The following CLCN5 variants were observed in gnomAD, a reference collection of about 807,000 sequenced individuals.
CLCN5 encodes the protein Cl-/H+ antiporter 5.
CLCN5 carries 17 observed loss-of-function variants against 54.0 expected under a neutral mutation model. That is an observed-to-expected ratio of 0.31 (90% CI 0.22 to 0.47). CLCN5 has a LOEUF of 0.47. CLCN5 is among the 20% of genes least tolerant of loss of function. CLCN5 has a pLI of 1.00. For synonymous variants in CLCN5, 222 were observed against 233.0 expected (o/e 0.95, Z 0.43); for missense variants, 448 against 646.7 (o/e 0.69, Z 3.33).
chrX:49,994,663 T>G (rs1929424118), intron 3 of CLCN5, among the ~76,000 whole-genome samples: 1 of 111,834 alleles, frequency 8.9e-6, no homozygotes, highest in African/African-American at 3.2e-5. Context: ...TCCTATTCAG[T>G]TTTGTGCTCT....
intron 3 of CLCN5, among the ~76,000 whole-genome samples, chrX:49,999,789 A>G (rs185422627): frequency 8.9e-6 from 1 of 112,092 alleles, no homozygotes; most frequent in African/African-American, 3.2e-5. Flanking sequence ...CCTGCGGAAT[A>G]GAATATGAGA....
At chrX:50,069,821 T>C in intron 4 of CLCN5, 58 bp from the exon 5 acceptor site, 1 of 1,129,515 alleles carries the variant, frequency 8.9e-7, no homozygotes, top group East Asian at 3.3e-5. Flanking sequence ...CCAAAAAGAA[T>C]GTATTAAAAA....
chrX:49,983,889 G>A (rs1053370744), intron 3 of CLCN5, among the ~76,000 whole-genome samples: 8 of 109,020 alleles, frequency 7.3e-5, no homozygotes, highest in Non-Finnish European at 1.3e-4. Flanking sequence ...TGGCCTTTTA[G>A]GTTATGTAAT....
At position 49,923,188 on chromosome X, in the gene CLCN5, C is replaced by G. The variant is rs1413315358; in HGVS notation, c.-204-219C>G. Among the ~76,000 whole-genome samples, 3 of 113,318 alleles carry G rather than the reference C, an allele frequency of 2.6e-5. No individual in the cohort carries two copies. The East Asian group carries it at 8.4e-4, about 32-fold the overall frequency. On this transcript the variant is annotated intron_variant, in intron 1 of 14. Transcript: ENST00000376091. ...GGCAAAGCTCAGCCGAGGCCCGGCTCTTCTCCCTCCGGCTCTGGACTTGCC... is the reference window on the plus strand; with the variant it reads ...GGCAAAGCTCAGCCGAGGCCCGGCTGTTCTCCCTCCGGCTCTGGACTTGCC...
chrX:50,088,476 C>T (rs782187485), intron 11 of CLCN5: 14 of 421,855 alleles, frequency 3.3e-5, no homozygotes, highest in East Asian at 7.9e-5. Flanking sequence ...TGATGGACCC[C>T]GAATCAGGGT....
intron 3 of CLCN5, among the ~76,000 whole-genome samples, chrX:50,033,697 A>G (rs1027683408): frequency 1.8e-5 from 2 of 111,866 alleles, no homozygotes; most frequent in Non-Finnish European, 3.8e-5. Flanking sequence ...CCAAAAAAGA[A>G]CCCACATCGC....
intron 9 of CLCN5, among the ~76,000 whole-genome samples, chrX:50,083,812 T>A (rs925335525): frequency 1.8e-4 from 20 of 112,333 alleles, no homozygotes; most frequent in Non-Finnish European, 3.0e-4. Flanking sequence ...GAAATTTTTT[T>A]AAAAAAATAT....
chrX:49,949,425 C>G (rs1926916189), intron 3 of CLCN5, among the ~76,000 whole-genome samples: 1 of 112,193 alleles, frequency 8.9e-6, no homozygotes, highest in South Asian at 3.7e-4. Context: ...ATGCTGATGT[C>G]CTGTAATTCT....
intron 4 of CLCN5, 39 bp downstream of exon 4, chrX:50,042,501 A>T: frequency 3.3e-6 from 3 of 901,943 alleles, no homozygotes; most frequent in Non-Finnish European, 2.9e-6. Context: ...TTAATTTTTT[A>T]AAATTTATGT....
chrX:50,096,879 G>C lies in CLCN5; in HGVS notation c.*4660G>C, dbSNP rs1304515163. Reference sequence around the variant, plus strand: ...AATGAGTGGTTCAAAGCAGTGTTTGGCTCAAGGGCAGTCTGGTTTTATGGA... The same window carrying C: ...AATGAGTGGTTCAAAGCAGTGTTTGCCTCAAGGGCAGTCTGGTTTTATGGA... On this transcript the variant is annotated 3_prime_UTR_variant, in exon 15 of 15. Coordinates refer to ENST00000376091, the MANE Select transcript of CLCN5 (RefSeq NM_001127898.4). The C allele has an allele frequency of 1.8e-5, 2 of 112,110 alleles. No homozygotes were observed. Among genetic ancestry groups the C allele is most frequent in the Non-Finnish European group, 3.8e-5 (2 of 53,185 alleles). The allele number at this position is 112,110 out of a possible 1,213,427, so 9.2% of individuals were successfully genotyped here.
At chrX:49,966,060 T>TC (rs111769934) in intron 3 of CLCN5, among the ~76,000 whole-genome samples, 4,953 of 111,050 alleles carry the variant, frequency 0.045, 296 homozygotes, top group African/African-American at 0.15. Flanking sequence ...AGTTTTTTTT[T>TC]CTCAAGACAT....
intron 3 of CLCN5, among the ~76,000 whole-genome samples, chrX:50,034,005 G>GAATTCTAGCCTGA (rs1479044236): frequency 9.0e-6 from 1 of 111,655 alleles, no homozygotes; most frequent in Non-Finnish European, 1.9e-5. Flanking sequence ...TTTCCTCCTG[G>GAATTCTAGCCTGA]AATTCTAGCC....
At chrX:50,019,259 T>C (rs782088836) in intron 3 of CLCN5, among the ~76,000 whole-genome samples, 1 of 110,838 alleles carries the variant, frequency 9.0e-6, no homozygotes, top group Non-Finnish European at 1.9e-5. Context: ...ATTATCTTTT[T>C]AATGACCATA....
intron 3 of CLCN5, among the ~76,000 whole-genome samples, chrX:50,005,285 C>T (rs1930098688): frequency 9.0e-6 from 1 of 111,703 alleles, no homozygotes; most frequent in South Asian, 3.8e-4. Flanking sequence ...GGGAGCAGAA[C>T]TACTTCCATT....
intron 11 of CLCN5, 134 bp from the exon 12 acceptor site, chrX:50,088,564 C>A: frequency 5.0e-6 from 3 of 602,510 alleles, no homozygotes; most frequent in South Asian, 4.9e-5. Flanking sequence ...ACCTTTACAG[C>A]CACTTGCTAG....
chrX:50,082,356 A>G (rs781990766), intron 9 of CLCN5, among the ~76,000 whole-genome samples: 1 of 107,941 alleles, frequency 9.3e-6, no homozygotes, highest in African/African-American at 3.4e-5. Context: ...TCTGTCACCT[A>G]GACTGCAGTG....
chrX:50,090,432 C>G lies in CLCN5; in HGVS notation c.2061C>G (p.Tyr687Ter). The change falls in exon 13 of 15, where the codon TAC (tyrosine) becomes TAG (stop). Residue 687 changes from tyrosine (Y) to a stop codon, truncating the protein, a stop_gained. Transcript: ENST00000376091. LOFTEE classifies it high-confidence loss of function. ...AGACCATAATCAGTGAAACCACTTACAGTGGCTTCCCAGTGGTGGTATCCC... is the reference window on the plus strand; with the variant it reads ...AGACCATAATCAGTGAAACCACTTAGAGTGGCTTCCCAGTGGTGGTATCCC... ...DVETIISETT[Y>*]SGFPVVVSRE... The G allele has an allele frequency of 8.3e-7, 1 of 1,207,457 alleles. No homozygotes were observed.
chrX:50,009,769 T>C (rs782385953), intron 3 of CLCN5: 1 of 386,894 alleles, frequency 2.6e-6, no homozygotes, highest in Non-Finnish European at 5.2e-6. Context: ...GCTTTCTGAA[T>C]GCAATGCACC....
intron 5 of CLCN5, 128 bp downstream of exon 5, chrX:50,070,158 A>G (rs1376853446): frequency 3.9e-5 from 23 of 591,917 alleles, no homozygotes; most frequent in Non-Finnish European, 5.5e-5. Context: ...TGTTGGCAAT[A>G]TAGAGTTTCA....
Sources: gnomAD v4.1 joint callset for allele counts (sites outside exome capture counted in the v4.1 genomes callset) on GRCh38, gnomAD v4.1.1 for gene constraint, MANE v1.5 for transcripts, NCBI Gene and HGNC (gene_info 2026-07-23, HGNC 2026-07-21) for gene names.